TAB1: variants seen among roughly 807,000 people sequenced by gnomAD.
TAB1 encodes the protein TGF-beta-activated kinase 1 and MAP3K7-binding protein 1.
In TAB1, 30 loss-of-function variants were observed where a neutral mutation model predicts 54.5. The observed-to-expected ratio is 0.55, with a 90% CI of 0.41 to 0.75. The LOEUF (loss-of-function observed/expected upper bound fraction) is 0.75, where lower values mean the gene tolerates loss of function less well. Ranked by LOEUF, TAB1 falls within the 30% of genes least tolerant of loss-of-function variation. The pLI is 0.00. For missense variants in TAB1, 609 were observed against 683.2 expected (o/e 0.89, Z 1.21); for synonymous variants, 289 against 286.9 (o/e 1.01, Z -0.07).
chr22:39,430,332 G>T lies in TAB1; in HGVS notation c.*110G>T. ...ACGGCCAGCAGGTGCCCCATCCTCT[G>T]CCCACAGCAGACTCTGTCCCATGGC... On this transcript the variant is annotated 3_prime_UTR_variant, in exon 11 of 11. Transcript: ENST00000216160. 6.5e-7 allele frequency: 1 copy of T among 1,538,646 alleles called. No homozygotes were observed.
At chr22:39,424,676 A>T (rs1009347813) in intron 8 of TAB1, among the ~76,000 whole-genome samples, 3 of 152,054 alleles carry the variant, frequency 2.0e-5, no homozygotes, top group Admixed American at 6.6e-5. Flanking sequence ...TTGAACTCGT[A>T]ACCTCAGATG....
intron 4 of TAB1, among the ~76,000 whole-genome samples, chr22:39,417,343 G>A (rs532215126): frequency 2.0e-5 from 3 of 152,312 alleles, no homozygotes; most frequent in East Asian, 3.9e-4. Context: ...AAGGGAGGCC[G>A]GGCATGGTGG....
At position 39,415,450 on chromosome 22, in the gene TAB1, C is replaced by A. The variant is rs1278299604; in HGVS notation, c.171-50C>A. 1 of 1,594,058 alleles carries A rather than the reference C, an allele frequency of 6.3e-7. No individual in the cohort carries two copies. The highest frequency in any genetic ancestry group is 8.6e-7 in the Non-Finnish European group (1 of 1,163,658). On this transcript the variant is annotated intron_variant, in intron 2 of 10. Coordinates refer to ENST00000216160, the MANE Select transcript of TAB1 (RefSeq NM_006116.3). This position sits in a 1 kb window ranked among gnomAD's most constrained non-coding sequence, Gnocchi z 4.9. Reference sequence around the variant, plus strand: ...AATTCCTTTCCCTTTCTCCCTCCACCTCCGTGAGACCCTGGTCTCAGGCCT... The same window carrying A: ...AATTCCTTTCCCTTTCTCCCTCCACATCCGTGAGACCCTGGTCTCAGGCCT...
At chr22:39,400,200 C>T (rs375135721) in intron 1 of TAB1, among the ~76,000 whole-genome samples, 3 of 152,204 alleles carry the variant, frequency 2.0e-5, no homozygotes, top group South Asian at 4.1e-4. Flanking sequence ...CCACAGTGTA[C>T]CGCTTACTGC....
At position 39,401,736 on chromosome 22, in the gene TAB1, G is replaced by A. The variant is rs548092940; in HGVS notation, c.33+1901G>A. Among the ~76,000 whole-genome samples the A allele has an allele frequency of 4.5e-4, 69 of 152,324 alleles. 1 individual carries two copies. In the South Asian group the frequency reaches 7.0e-3, roughly 16 times the overall value. On this transcript the variant is annotated intron_variant, in intron 1 of 10. Transcript: ENST00000216160. ...TAAACACATTGCATCTTGGTGCGTG[G>A]CAAAGGGATGGCAGGGATGTCATCA...
chr22:39,431,609 C>G lies in TAB1; in HGVS notation c.*1387C>G. 2.0e-6 allele frequency: 2 copies of G among 985,450 alleles called. No homozygotes were observed. Among genetic ancestry groups the G allele is most frequent in the Non-Finnish European group, 2.4e-6 (2 of 829,972 alleles). The allele number at this position is 985,450 out of a possible 1,614,324, so 61.0% of individuals were successfully genotyped here. A position where few individuals can be genotyped will look rare whatever the true frequency, so the allele number is the denominator to read the frequency against. ...CCATTTTCCTGCGGCAGAGCAGGGC[C>G]TGGTGTGGAACCAGGGAGCTGTGGG... On this transcript the variant is annotated 3_prime_UTR_variant, in exon 11 of 11. Coordinates refer to ENST00000216160, the MANE Select transcript of TAB1 (RefSeq NM_006116.3).
In TAB1 at chr22:39,421,897, G is replaced by A. The variant is rs780991328; in HGVS notation, c.847G>A (p.Gly283Ser). 6.2e-7 allele frequency: 1 copy of A among 1,613,652 alleles called. No homozygotes were observed. Among genetic ancestry groups the A allele is most frequent in the East Asian group, 2.2e-5 (1 of 44,854 alleles). Residue 283 changes from glycine (G) to serine (S), a missense_variant, in exon 8 of 11, where the codon GGC becomes AGC. Coordinates refer to ENST00000216160, the MANE Select transcript of TAB1 (RefSeq NM_006116.3). ...HGAQPLDGVTGFLVLMSEGLY... is the reference protein window; with the variant it reads ...HGAQPLDGVTSFLVLMSEGLY... ...GGCACAGCCGCTGGATGGGGTGACGGGCTTCTTGGTGCTGATGTCGGAGGG... is the reference window on the plus strand; with the variant it reads ...GGCACAGCCGCTGGATGGGGTGACGAGCTTCTTGGTGCTGATGTCGGAGGG...
At chr22:39,419,009 T>C (rs1399097406) in intron 6 of TAB1, among the ~76,000 whole-genome samples, 164 bp downstream of exon 6, 1 of 152,092 alleles carries the variant, frequency 6.6e-6, no homozygotes, top group Non-Finnish European at 1.5e-5. Context: ...TGGTTGGTGA[T>C]TGGAACTTAA....
downstream of TAB1, chr22:39,432,395 C>T (rs957206348): frequency 6.6e-6 from 1 of 152,284 alleles, no homozygotes. Flanking sequence ...AAGAACTCAT[C>T]CCTCTAAGAA....
intron 6 of TAB1, 29 bp downstream of exon 6, chr22:39,418,874 G>A (rs975050598): frequency 1.3e-6 from 2 of 1,557,012 alleles, no homozygotes; most frequent in South Asian, 1.1e-5. Flanking sequence ...AGCGGAAGCT[G>A]ATCCCCATGG....
intron 5 of TAB1, among the ~76,000 whole-genome samples, chr22:39,418,369 G>C (rs986795078): frequency 1.3e-5 from 2 of 151,954 alleles, no homozygotes; most frequent in African/African-American, 4.8e-5. Flanking sequence ...ACATTCATGC[G>C]CCCATCCCCA....
chr22:39,423,982 T>A (rs1293090844), intron 8 of TAB1, among the ~76,000 whole-genome samples: 9 of 152,128 alleles, frequency 5.9e-5, no homozygotes, highest in Non-Finnish European at 1.0e-4. Context: ...TAATGTATAG[T>A]GTTTTATCCC....
downstream of TAB1, among the ~76,000 whole-genome samples, chr22:39,434,044 G>A (rs1222146292): frequency 3.3e-5 from 5 of 152,216 alleles, no homozygotes. Context: ...AGCATGGCAT[G>A]AGTCAGGGAG....
intron 7 of TAB1, 100 bp from the exon 8 acceptor site, chr22:39,421,727 T>G: frequency 7.6e-7 from 1 of 1,313,210 alleles, no homozygotes; most frequent in Admixed American, 2.1e-5. Context: ...GTTGTGTGTT[T>G]TATTTTACAT....
intron 8 of TAB1, among the ~76,000 whole-genome samples, 169 bp from the exon 9 acceptor site, chr22:39,426,534 A>T (rs1927345652): frequency 6.6e-6 from 1 of 152,260 alleles, no homozygotes; most frequent in African/African-American, 2.4e-5. Flanking sequence ...CAGAAGGATT[A>T]TCCTGAATAC....
Position 39,399,824 on chromosome 22 carries a change from T to G in TAB1, c.22T>G (p.Leu8Val). MAAQRRS[L>V]LQSEQQPSWT... is the part of the protein sequence containing the mutation. The stretch of plus-strand genomic sequence containing the variant: ...CAAGATGGCGGCGCAGAGGAGGAGC[T>G]TGCTGCAGAGTGTGAGGAACAGGCC... Residue 8 changes from leucine (L) to valine (V), a missense_variant, in exon 1 of 11, where the codon TTG (leucine) becomes GTG (valine). Transcript: ENST00000216160. 5 of 1,597,798 alleles carry G rather than the reference T, an allele frequency of 3.1e-6. No homozygotes were observed. The highest frequency in any genetic ancestry group is 3.4e-6 in the Non-Finnish European group (4 of 1,172,654).
downstream of TAB1, chr22:39,436,562 C>G: frequency 6.2e-7 from 1 of 1,613,622 alleles, no homozygotes; most frequent in South Asian, 1.1e-5. Flanking sequence ...GCAGCCTGAC[C>G]CCAGGGTAGG....
chr22:39,417,864 G>C lies in TAB1; in HGVS notation c.550+15G>C. ...CGCCAATGTCGGTGAGCCCCCTCCT[G>C]TCCCAGGGCAGGGAGGACTGGGGAG... On this transcript the variant is annotated intron_variant, in intron 5 of 10. Coordinates refer to ENST00000216160, the MANE Select transcript of TAB1 (RefSeq NM_006116.3). 6.3e-7 allele frequency: 1 copy of C among 1,594,332 alleles called. No homozygotes were observed. The highest frequency in any genetic ancestry group is 8.5e-7 in the Non-Finnish European group (1 of 1,170,572).
At chr22:39,435,566 C>G (rs1044594936), downstream of TAB1, among the ~76,000 whole-genome samples, 1 of 152,166 alleles carries the variant, frequency 6.6e-6, no homozygotes, top group Non-Finnish European at 1.5e-5. Context: ...GGAGCTTGGG[C>G]AGAGTGACTG....
Sources: gnomAD v4.1 joint callset for allele counts (sites outside exome capture counted in the v4.1 genomes callset) on GRCh38, gnomAD v4.1.1 for gene constraint, Gnocchi (gnomAD v3.1) non-coding constraint, MANE v1.5 for transcripts, NCBI Gene and HGNC (gene_info 2026-07-23, HGNC 2026-07-21) for gene names.